The following HERC4 variants were observed in gnomAD, a reference collection of about 807,000 sequenced individuals.
HERC4 encodes probable E3 ubiquitin-protein ligase HERC4.
A neutral mutation model predicts 124.3 loss-of-function variants in HERC4; 28 were observed. That is an observed-to-expected ratio of 0.23 (90% CI 0.17 to 0.31). The LOEUF (loss-of-function observed/expected upper bound fraction) is 0.31, where lower values mean the gene tolerates loss of function less well. Among genes scored for constraint, HERC4 ranks in the 10% least tolerant of loss-of-function variants. The probability of loss-of-function intolerance (pLI) is 1.00; values close to 1 mark genes in which losing one functional copy is unlikely to be tolerated. For synonymous variants in HERC4, 407 were observed against 421.5 expected, an observed-to-expected ratio of 0.97 and a Z score of 0.42; for missense variants, 713 against 1,229.3, an observed-to-expected ratio of 0.58 and a Z score of 6.28.
intron 9 of HERC4, chr10:68,010,580 C>T: frequency 1.7e-6 from 2 of 1,174,518 alleles, no homozygotes; most frequent in Non-Finnish European, 2.5e-6. Flanking sequence ...TACTGGTTCG[C>T]TTTCTCTTTC....
chr10:67,953,803 A>G (rs1223402504), intron 19 of HERC4, among the ~76,000 whole-genome samples: 1 of 152,220 alleles, frequency 6.6e-6, no homozygotes, highest in African/African-American at 2.4e-5. Flanking sequence ...TTCTCTATAC[A>G]GAAGTATCCA....
chr10:67,925,201 A>G lies in HERC4; in HGVS notation c.2839-14T>C, dbSNP rs1394949236. ...GTATTCTGTATTCTAAAAACAACAT[A>G]ATCTTTTATTAGTATTAAGGGACAC... On this transcript the variant is annotated splice_polypyrimidine_tract_variant and intron_variant, in intron 23 of 24. Coordinates refer to ENST00000373700, the MANE Select transcript of HERC4 (RefSeq NM_015601.4). The G allele has an allele frequency of 9.8e-6, 14 of 1,428,848 alleles. No individual in the cohort carries two copies. The highest frequency in any genetic ancestry group is 2.3e-5 in the East Asian group (1 of 43,804). 88.5% of individuals were successfully genotyped at this position (1,428,848 alleles called of 1,614,324 possible).
rs192260773 is a variant in HERC4 at position 67,957,469 on chromosome 10, C to T, written c.1927-493G>A. ...CATTTACTTAATATACAAAAAAGTACCATTAGTATTACTATTCTGTTAGCC... is the reference window on the plus strand; with the variant it reads ...CATTTACTTAATATACAAAAAAGTATCATTAGTATTACTATTCTGTTAGCC... On this transcript the variant is annotated intron_variant, in intron 16 of 24. Transcript: ENST00000373700. Among the ~76,000 whole-genome samples the T allele has an allele frequency of 1.1e-3, 172 of 152,172 alleles. 2 individuals are homozygous for T. Among genetic ancestry groups the T allele is most frequent in the African/African-American group, 4.1e-3 (170 of 41,520 alleles).
intron 19 of HERC4, among the ~76,000 whole-genome samples, chr10:67,946,645 A>G (rs2033380201): frequency 1.3e-5 from 2 of 152,174 alleles, no homozygotes; most frequent in African/African-American, 4.8e-5. Context: ...GCAGTGGCTC[A>G]CACCTGTAAT....
chr10:68,032,756 A>G (rs1436940884), intron 7 of HERC4, 22 bp downstream of exon 7: 2 of 1,186,300 alleles, frequency 1.7e-6, no homozygotes, highest in Non-Finnish European at 2.5e-6. Flanking sequence ...GTAATAATAA[A>G]GAAGTTTTAG....
At chr10:68,029,906 T>G (rs1398219459) in intron 7 of HERC4, among the ~76,000 whole-genome samples, 3 of 151,080 alleles carry the variant, frequency 2.0e-5, no homozygotes, top group Admixed American at 6.6e-5. Flanking sequence ...GCCCGGCTAA[T>G]TTTTTGTATT....
intron 22 of HERC4, 89 bp from the exon 23 acceptor site, chr10:67,932,869 C>CA: frequency 1.8e-6 from 2 of 1,142,532 alleles, no homozygotes; most frequent in Non-Finnish European, 2.5e-6. Context: ...AGTGCTCCTA[C>CA]AATTTCTGCT....
At chr10:67,988,170 A>G (rs2036363626) in intron 15 of HERC4, 1 of 152,184 alleles carries the variant, frequency 6.6e-6, no homozygotes, top group African/African-American at 2.4e-5. Flanking sequence ...GGGAAGAACA[A>G]TAGGCAAATT....
chr10:68,019,932 T>A (rs1006191072), intron 8 of HERC4, among the ~76,000 whole-genome samples: 1 of 152,218 alleles, frequency 6.6e-6, no homozygotes, highest in East Asian at 1.9e-4. Context: ...TCCAAGGAAT[T>A]CAAAGGGCTG....
chr10:68,021,826 A>C (rs989201691), intron 8 of HERC4, among the ~76,000 whole-genome samples: 5 of 151,974 alleles, frequency 3.3e-5, no homozygotes, highest in South Asian at 2.1e-4. Flanking sequence ...TAAATAAATA[A>C]AAGGCATTCA....
chr10:67,987,120 A>G (rs2036306917), intron 15 of HERC4, among the ~76,000 whole-genome samples: 1 of 152,190 alleles, frequency 6.6e-6, no homozygotes, highest in Admixed American at 6.5e-5. Flanking sequence ...TGAAGATTCT[A>G]GTATTTAGAA....
At chr10:67,933,779 A>C (rs2032073684) in intron 22 of HERC4, among the ~76,000 whole-genome samples, 1 of 152,214 alleles carries the variant, frequency 6.6e-6, no homozygotes, top group African/African-American at 2.4e-5. Flanking sequence ...TCTTATTCTA[A>C]GTATCTTAAA....
chr10:67,950,281 A>AT (rs376523407), intron 19 of HERC4, among the ~76,000 whole-genome samples: 239 of 143,342 alleles, frequency 1.7e-3, no homozygotes, highest in Middle Eastern at 0.015. Flanking sequence ...TACAGGGGAG[A>AT]TTTTTTTTTT....
At chr10:67,935,302 C>T (rs2032258088) in intron 22 of HERC4, among the ~76,000 whole-genome samples, 1 of 152,086 alleles carries the variant, frequency 6.6e-6, no homozygotes, top group Non-Finnish European at 1.5e-5. Flanking sequence ...CATTCCACCA[C>T]ACCTGGCTAA....
chr10:67,959,366 G>C (rs1035082674), intron 16 of HERC4, among the ~76,000 whole-genome samples: 1 of 151,920 alleles, frequency 6.6e-6, no homozygotes, highest in African/African-American at 2.4e-5. Context: ...AAATGATTGA[G>C]GCTTGAACAT....
intron 20 of HERC4, 131 bp downstream of exon 20, chr10:67,940,808 G>C (rs1180707705): frequency 1.0e-5 from 8 of 774,480 alleles, no homozygotes; most frequent in Middle Eastern, 2.4e-4. Flanking sequence ...TTATTAGAAG[G>C]GCATTTGTTT....
intron 9 of HERC4, among the ~76,000 whole-genome samples, chr10:68,001,055 G>T (rs923132455): frequency 1.3e-5 from 2 of 152,110 alleles, no homozygotes; most frequent in African/African-American, 4.8e-5. Flanking sequence ...CTAAACCAAA[G>T]GAATATTCTG....
intron 23 of HERC4, among the ~76,000 whole-genome samples, chr10:67,928,798 G>A (rs2031451155): frequency 6.6e-6 from 1 of 152,116 alleles, no homozygotes; most frequent in Admixed American, 6.6e-5. Flanking sequence ...TGGCATGTCT[G>A]TAGTTCCAGC....
rs564696565 is a variant in HERC4, at chr10:67,999,648, C to T, written c.1070-6966G>A. ...TTCATGAAACTGCTAACCCAAGGTC[C>T]AGCAGAATAAGAATTCATTATGACA... On this transcript the variant is annotated intron_variant, in intron 9 of 24. Coordinates refer to ENST00000373700, the MANE Select transcript of HERC4 (RefSeq NM_015601.4). 2.6e-5 allele frequency among the ~76,000 whole-genome samples: 4 copies of T among 152,208 alleles called. No homozygotes were observed. In the East Asian group the frequency reaches 7.7e-4, roughly 29 times the overall value.
Sources: gnomAD v4.1 joint callset for allele counts (sites outside exome capture counted in the v4.1 genomes callset) on GRCh38, gnomAD v4.1.1 for gene constraint, MANE v1.5 for transcripts, NCBI Gene and HGNC (gene_info 2026-07-23, HGNC 2026-07-21) for gene names.